Variants in TMEM183A observed in about 807,000 individuals in gnomAD.
The protein encoded by TMEM183A is transmembrane protein 183A.
Under a neutral mutation model 46.7 loss-of-function variants are expected in TMEM183A, and 21 were observed. The observed-to-expected ratio is 0.45, with a 90% CI of 0.32 to 0.65. The LOEUF (loss-of-function observed/expected upper bound fraction) is 0.65, where lower values mean the gene tolerates loss of function less well. TMEM183A is among the 30% of genes least tolerant of loss of function. The pLI, the probability that TMEM183A is intolerant of heterozygous loss-of-function variation, is 0.04. For missense variants in TMEM183A, 331 were observed against 481.9 expected, an observed-to-expected ratio of 0.69 and a Z score of 2.93; for synonymous variants, 165 against 180.2, an observed-to-expected ratio of 0.92 and a Z score of 0.68.
intron 3 of TMEM183A, among the ~76,000 whole-genome samples, chr1:203,011,304 A>T (rs1017212487): frequency 6.6e-6 from 1 of 152,202 alleles, no homozygotes; most frequent in Non-Finnish European, 1.5e-5. Context: ...TTTTAAAATT[A>T]TAATGGATGT....
At chr1:203,009,931 C>T (rs943770184) in intron 3 of TMEM183A, among the ~76,000 whole-genome samples, 13 of 152,054 alleles carry the variant, frequency 8.5e-5, no homozygotes, top group Admixed American at 4.6e-4. Flanking sequence ...GTCAGGAGTT[C>T]GAGACCATCC....
intron 5 of TMEM183A, chr1:203,017,824 G>A (rs1657311474): frequency 1.0e-6 from 1 of 985,910 alleles, no homozygotes; most frequent in Non-Finnish European, 1.2e-6. Context: ...TTAAAGCCAA[G>A]CCCATTAATT....
At chr1:203,012,416 T>G (rs1473492324) in intron 3 of TMEM183A, among the ~76,000 whole-genome samples, 2 of 152,226 alleles carry the variant, frequency 1.3e-5, no homozygotes, top group Non-Finnish European at 2.9e-5. Flanking sequence ...GTTAGACTTT[T>G]CTGTTTACTG....
intron 4 of TMEM183A, 171 bp downstream of exon 4, chr1:203,015,219 T>A: frequency 2.1e-6 from 2 of 951,580 alleles, no homozygotes; most frequent in Non-Finnish European, 3.0e-6. Flanking sequence ...TTGATATTAT[T>A]AATTATCCAG....
intron 3 of TMEM183A, among the ~76,000 whole-genome samples, chr1:203,009,061 A>C (rs1397183368): frequency 2.0e-5 from 3 of 152,000 alleles, no homozygotes; most frequent in African/African-American, 7.3e-5. Flanking sequence ...TGTGAACTGG[A>C]CTCTAGTAGC....
At position 203,023,763 on chromosome 1, in the gene TMEM183A, G is replaced by A. The variant is rs573917262; in HGVS notation, c.*723G>A. ...ATTCCCATTTTATAGTTGAGAAAAC[G>A]GAATTAGTGACTGTACCTATAACAC... On this transcript the variant is annotated 3_prime_UTR_variant, in exon 8 of 8. Transcript: ENST00000367242. 4 of 152,342 alleles carry A rather than the reference G, an allele frequency of 2.6e-5. No homozygotes were observed. Among genetic ancestry groups the A allele is most frequent in the South Asian group, 4.1e-4 (2 of 4,822 alleles). The allele number at this position is 152,342 out of a possible 1,614,324, so 9.4% of individuals were successfully genotyped here. A position where few individuals can be genotyped will look rare whatever the true frequency, so the allele number is the denominator to read the frequency against.
chr1:203,012,770 C>T (rs925162758), intron 3 of TMEM183A, among the ~76,000 whole-genome samples: 1 of 152,140 alleles, frequency 6.6e-6, no homozygotes, highest in Non-Finnish European at 1.5e-5. Context: ...CACTCTGTTG[C>T]CCAGGCTGGA....
At chr1:203,007,923 TTC>T (rs1323373826) in intron 2 of TMEM183A, 60 bp downstream of exon 2, 36 of 1,592,246 alleles carry the variant, frequency 2.3e-5, no homozygotes, top group Non-Finnish European at 3.0e-5. Flanking sequence ...GGTATTTTAT[TTC>T]TGTTTTTCTT....
rs191129484 is a variant in TMEM183A, at chr1:203,015,174, G to A, written c.527+126G>A. Reference sequence around the variant, plus strand: ...CTACTCCATGTCTGGGCATGACCCAGCTTTGGACTCCTTGAGCCCCTCTCT... The same window carrying A: ...CTACTCCATGTCTGGGCATGACCCAACTTTGGACTCCTTGAGCCCCTCTCT... On this transcript the variant is annotated intron_variant, in intron 4 of 7. Coordinates refer to ENST00000367242, the MANE Select transcript of TMEM183A (RefSeq NM_138391.6). 133 of 1,335,530 alleles carry A rather than the reference G, an allele frequency of 1.0e-4. No individual in the cohort carries two copies. In the Admixed American group the frequency reaches 2.3e-3, roughly 23 times the overall value. The allele number at this position is 1,335,530 out of a possible 1,614,324, so 82.7% of individuals were successfully genotyped here. A position where few individuals can be genotyped will look rare whatever the true frequency, so the allele number is the denominator to read the frequency against.
chr1:203,021,689 G>A (rs897261428), intron 7 of TMEM183A, among the ~76,000 whole-genome samples: 3 of 152,200 alleles, frequency 2.0e-5, no homozygotes, highest in African/African-American at 7.2e-5. Context: ...TGTCCTTTGT[G>A]TGATATTATC....
Position 203,007,405 on chromosome 1 carries a change from T to G in TMEM183A, c.-61T>G. The stretch of plus-strand genomic sequence containing the variant: ...AGAGTTAGCGGCCTCCGGTGTGGGA[T>G]GGCCGCGGAGCCGGGCGGAGCTGGC... On this transcript the variant is annotated 5_prime_UTR_variant, in exon 1 of 8. The change abolishes an upstream ATG in the 5' untranslated region. Coordinates refer to ENST00000367242, the MANE Select transcript of TMEM183A (RefSeq NM_138391.6). 1 of 1,332,930 alleles carries G rather than the reference T, an allele frequency of 7.5e-7. No homozygotes were observed. The highest frequency in any genetic ancestry group is 9.6e-7 in the Non-Finnish European group (1 of 1,039,494). The allele number at this position is 1,332,930 out of a possible 1,614,324, so 82.6% of individuals were successfully genotyped here.
In TMEM183A at chr1:203,023,562, T is replaced by C. The variant is rs540882351; in HGVS notation, c.*522T>C. 6.5e-6 allele frequency: 1 copy of C among 153,036 alleles called. No homozygotes were observed. The highest frequency in any genetic ancestry group is 1.5e-5 in the Non-Finnish European group (1 of 68,312). 9.5% of individuals were successfully genotyped at this position (153,036 alleles called of 1,614,324 possible). ...CTTACCATATTGACTTGTGTATCTTTTTTAAAAAATAATTTGTGATATTTA... is the reference window on the plus strand; with the variant it reads ...CTTACCATATTGACTTGTGTATCTTCTTTAAAAAATAATTTGTGATATTTA... On this transcript the variant is annotated 3_prime_UTR_variant, in exon 8 of 8. Coordinates refer to ENST00000367242, the MANE Select transcript of TMEM183A (RefSeq NM_138391.6).
At chr1:203,022,782 AT>A in intron 7 of TMEM183A, 72 bp from the exon 8 acceptor site, 3 of 1,598,222 alleles carry the variant, frequency 1.9e-6, no homozygotes, top group Non-Finnish European at 2.6e-6. Flanking sequence ...AGTCTGGACT[AT>A]TTCATTTCAG....
chr1:203,016,005 G>A lies in TMEM183A; in HGVS notation c.573G>A (p.Glu191=), dbSNP rs753928593. The part of the protein sequence containing the change: ...DASLPLRLRP[E]SMEKLRCLRA... The stretch of plus-strand genomic sequence containing the variant: ...CCCTGCCTTTGCGTCTGCGACCAGA[G>A]TCAATGGAGAAGCTGCGCTGTCTCC... Residue 191 remains glutamate (E), a synonymous_variant, in exon 5 of 8, where the codon GAG becomes GAA. Coordinates refer to ENST00000367242, the MANE Select transcript of TMEM183A (RefSeq NM_138391.6). The A allele has an allele frequency of 4.3e-6, 7 of 1,613,924 alleles. No individual in the cohort carries two copies. The highest frequency in any genetic ancestry group is 5.9e-6 in the Non-Finnish European group (7 of 1,179,890).
Position 203,007,582 on chromosome 1 carries a change from A to AG in TMEM183A, c.109+14dup. The stretch of plus-strand genomic sequence containing the variant: ...ACGCCTGCTCCGGCCGAGGTGGGCG[A>AG]GGGGGGCAGGGGCGCTGAAACATTT... On this transcript the variant is annotated intron_variant, in intron 1 of 7. Transcript: ENST00000367242. The AG allele has an allele frequency of 1.9e-6, 3 of 1,540,544 alleles. 1 individual carries two copies. Among genetic ancestry groups the AG allele is most frequent in the Middle Eastern group, 3.9e-4 (2 of 5,190 alleles).
rs537557286 is a variant in TMEM183A, at chr1:203,022,153, C to G, written c.946-702C>G. Among the ~76,000 whole-genome samples the G allele has an allele frequency of 2.0e-5, 3 of 152,092 alleles. No individual in the cohort carries two copies. In the East Asian group the frequency reaches 5.8e-4, roughly 29 times the overall value. On this transcript the variant is annotated intron_variant, in intron 7 of 7. Coordinates refer to ENST00000367242, the MANE Select transcript of TMEM183A (RefSeq NM_138391.6). ...GCGCAGTCTCGGCTCCCTGCAACCT[C>G]TGTCTCCTGGTTTCAAGTGATTCTC...
chr1:203,016,276 G>A, intron 5 of TMEM183A, 136 bp downstream of exon 5: 3 of 1,277,258 alleles, frequency 2.3e-6, no homozygotes, highest in Non-Finnish European at 3.3e-6. Flanking sequence ...AAACTTCAGG[G>A]CTCAGAGATT....
chr1:203,022,364 C>T (rs1438747903), intron 7 of TMEM183A, among the ~76,000 whole-genome samples: 2 of 151,460 alleles, frequency 1.3e-5, no homozygotes, highest in East Asian at 2.0e-4. Flanking sequence ...ATAGTTTAAA[C>T]GTGAAGCTGA....
intron 3 of TMEM183A, among the ~76,000 whole-genome samples, chr1:203,009,271 G>T (rs1464377808): frequency 6.6e-6 from 1 of 152,192 alleles, no homozygotes; most frequent in African/African-American, 2.4e-5. Flanking sequence ...TAAGTGCTCT[G>T]CAATTAGTAA....
Sources: gnomAD v4.1 joint callset for allele counts (sites outside exome capture counted in the v4.1 genomes callset) on GRCh38, gnomAD v4.1.1 for gene constraint, MANE v1.5 for transcripts, NCBI Gene and HGNC (gene_info 2026-07-23, HGNC 2026-07-21) for gene names.